MIGA2: variants seen among roughly 807,000 people sequenced by gnomAD.
MIGA2 encodes family with sequence similarity 73, member B.
A neutral mutation model predicts 69.9 loss-of-function variants in MIGA2; 36 were observed. The ratio of observed to expected loss-of-function variants is 0.52; its 90% CI spans 0.39 to 0.68. The LOEUF is 0.68. Among genes scored for constraint, MIGA2 ranks in the 30% least tolerant of loss-of-function variants. MIGA2 has a pLI of 0.00. For missense variants in MIGA2, 660 were observed against 787.7 expected, an observed-to-expected ratio of 0.84 and a Z score of 1.94; for synonymous variants, 333 against 349.2, an observed-to-expected ratio of 0.95 and a Z score of 0.52.
Position 129,058,689 on chromosome 9 carries a change from A to G in MIGA2, c.676-465A>G, listed in dbSNP as rs112680032. ...TAATTTTTGTATTTTTAGTAGAGAT[A>G]TGGTTTCATCATGTTGGTCAGGCTG... On this transcript the variant is annotated intron_variant, in intron 6 of 15. Transcript: ENST00000684074. 5.8e-3 allele frequency among the ~76,000 whole-genome samples: 875 copies of G among 151,856 alleles called. 13 individuals are homozygous for G. Among genetic ancestry groups the G allele is most frequent in the African/African-American group, 0.02 (808 of 41,420 alleles).
intron 2 of MIGA2, chr9:129,042,103 T>G: frequency 1.7e-6 from 1 of 597,464 alleles, no homozygotes; most frequent in Non-Finnish European, 3.1e-6. Context: ...CATCTTGCCA[T>G]CTTTATGTTT....
intron 11 of MIGA2, among the ~76,000 whole-genome samples, chr9:129,063,860 C>T (rs563741637): frequency 6.6e-6 from 1 of 152,352 alleles, no homozygotes; most frequent in African/African-American, 2.4e-5. Context: ...GCGTCCGTCT[C>T]TCCATGCTGG....
At chr9:129,063,670 C>T (rs1193112575) in intron 11 of MIGA2, 39 bp downstream of exon 11, 1 of 1,604,022 alleles carries the variant, frequency 6.2e-7, no homozygotes. Context: ...TTATAAAATG[C>T]AAACCACAGA....
At chr9:129,049,770 C>A in intron 5 of MIGA2, 57 bp from the exon 6 acceptor site, 2 of 1,610,186 alleles carry the variant, frequency 1.2e-6, no homozygotes, top group South Asian at 1.1e-5. Context: ...TCTGAGCCCC[C>A]TCTTGGGTGA....
chr9:129,038,798 T>TA (rs1844733810), intron 1 of MIGA2, among the ~76,000 whole-genome samples: 1 of 140,418 alleles, frequency 7.1e-6, no homozygotes, highest in Non-Finnish European at 1.5e-5. Flanking sequence ...TCTTTTTTTT[T>TA]TTTTTTTTTT....
chr9:129,069,380 GCCACA>G lies in MIGA2; in HGVS notation c.1458+252_1458+256del, dbSNP rs1846544448. Reference sequence around the variant, plus strand: ...GGGGAACGGATACCCTAGGGTAGTGGCCACAGGGCTGGCAGCTGGCCTGGTGCAGG... The same window carrying G: ...GGGGAACGGATACCCTAGGGTAGTGGGGGCTGGCAGCTGGCCTGGTGCAGG... On this transcript the variant is annotated intron_variant, in intron 14 of 15. Coordinates refer to ENST00000684074, the MANE Select transcript of MIGA2 (RefSeq NM_001329990.2). This position sits in a 1 kb window ranked among gnomAD's most constrained non-coding sequence, Gnocchi z 4.9. 1 of 575,864 alleles carries G rather than the reference GCCACA, an allele frequency of 1.7e-6. No homozygotes were observed. Among genetic ancestry groups the G allele is most frequent in the Non-Finnish European group, 3.1e-6 (1 of 322,610 alleles). 35.7% of individuals were successfully genotyped at this position (575,864 alleles called of 1,614,324 possible).
At chr9:129,048,580 G>A in intron 4 of MIGA2, 41 bp downstream of exon 4, 1 of 1,522,486 alleles carries the variant, frequency 6.6e-7, no homozygotes. Context: ...CCAGGTCCGG[G>A]CTTACCCCTG....
At chr9:129,040,006 A>G (rs1326836678) in intron 1 of MIGA2, 1 of 152,456 alleles carries the variant, frequency 6.6e-6, no homozygotes, top group Non-Finnish European at 1.5e-5. Flanking sequence ...CGGCCTTCCA[A>G]AGTGCTGGGA....
rs148842909 is a variant in MIGA2, at chr9:129,045,636, G to C, written c.308-2791G>C. On this transcript the variant is annotated intron_variant, in intron 3 of 15. Coordinates refer to ENST00000684074, the MANE Select transcript of MIGA2 (RefSeq NM_001329990.2). The stretch of plus-strand genomic sequence containing the variant: ...AAAAGAGAAAGAACATAAATTAGCT[G>C]AGTGTGGTGGCTCATACCTGTAATC... 1.4e-4 allele frequency among the ~76,000 whole-genome samples: 21 copies of C among 151,592 alleles called. No homozygotes were observed. The East Asian group carries it at 4.1e-3, about 30-fold the overall frequency.
chr9:129,044,292 C>T (rs1845089337), intron 3 of MIGA2, among the ~76,000 whole-genome samples: 3 of 151,480 alleles, frequency 2.0e-5, no homozygotes, highest in Admixed American at 6.6e-5. Flanking sequence ...TGCCTGGCCC[C>T]TTCTTCTACT....
chr9:129,061,486 TG>T lies in MIGA2; in HGVS notation c.1010+142del. 4 of 699,784 alleles carry T rather than the reference TG, an allele frequency of 5.7e-6. No individual in the cohort carries two copies. Among genetic ancestry groups the T allele is most frequent in the Non-Finnish European group, 9.6e-6 (4 of 417,686 alleles). 43.3% of individuals were successfully genotyped at this position (699,784 alleles called of 1,614,324 possible). A position where few individuals can be genotyped will look rare whatever the true frequency, so the allele number is the denominator to read the frequency against. ...AGGCTGCCTGAGGGCCGTGGTGAGC[TG>T]GTGACAGCTCCTCCCCCAGCTGCAG... On this transcript the variant is annotated intron_variant, in intron 9 of 15. Transcript: ENST00000684074. This position sits in a 1 kb window ranked among gnomAD's most constrained non-coding sequence, Gnocchi z 5.0.
At chr9:129,056,399 T>C (rs1410393390) in intron 6 of MIGA2, among the ~76,000 whole-genome samples, 2 of 152,260 alleles carry the variant, frequency 1.3e-5, no homozygotes, top group African/African-American at 4.8e-5. Context: ...AATAAGAGTG[T>C]CTTTCTCCTA....
In MIGA2 at chr9:129,068,407, G is replaced by C. The variant is rs1284037205; in HGVS notation, c.1404+75G>C. ...GTGGTTGCCTGGCTCCGTCCCCTCT[G>C]TCCCTAGCACTGGCACCAGGGCTGG... On this transcript the variant is annotated intron_variant, in intron 13 of 15. Coordinates refer to ENST00000684074, the MANE Select transcript of MIGA2 (RefSeq NM_001329990.2). This position sits in a 1 kb window ranked among gnomAD's most constrained non-coding sequence, Gnocchi z 4.1. The C allele has an allele frequency of 6.3e-7, 1 of 1,577,352 alleles. No individual in the cohort carries two copies. Among genetic ancestry groups the C allele is most frequent in the South Asian group, 1.1e-5 (1 of 88,096 alleles).
intron 11 of MIGA2, among the ~76,000 whole-genome samples, chr9:129,063,942 C>T (rs761134918): frequency 3.9e-5 from 6 of 152,194 alleles, no homozygotes; most frequent in Non-Finnish European, 8.8e-5. Context: ...CCTCCATTCC[C>T]TGATGGAGGA....
intron 6 of MIGA2, among the ~76,000 whole-genome samples, chr9:129,054,330 A>G (rs925015971): frequency 3.3e-5 from 5 of 151,070 alleles, no homozygotes; most frequent in Non-Finnish European, 7.4e-5. Context: ...GGCGCACACC[A>G]TGTGGTAGTC....
chr9:129,063,640 GGGT>G lies in MIGA2; in HGVS notation c.1170+12_1170+14del. 1.9e-6 allele frequency: 3 copies of G among 1,560,324 alleles called. No individual in the cohort carries two copies. The highest frequency in any genetic ancestry group is 2.6e-6 in the Non-Finnish European group (3 of 1,132,234). ...TGACCAAGGCTGAGAAGGTAGCAGG[GGGT>G]GGGGTGGGGGGGCAAATTATAAAAT... On this transcript the variant is annotated intron_variant, in intron 11 of 15. Coordinates refer to ENST00000684074, the MANE Select transcript of MIGA2 (RefSeq NM_001329990.2).
intron 6 of MIGA2, chr9:129,051,347 G>C (rs774152669): frequency 1.2e-5 from 2 of 168,142 alleles, no homozygotes; most frequent in African/African-American, 4.9e-5. Context: ...GCGCGATCTC[G>C]GCTCAGTGCA....
rs922318020 is a variant in MIGA2, at chr9:129,061,498, C to T, written c.1010+152C>T. On this transcript the variant is annotated intron_variant, in intron 9 of 15. Transcript: ENST00000684074. The surrounding 1 kb of genome is among the most constrained non-coding windows in gnomAD (Gnocchi z 5.0). ...GGCCGTGGTGAGCTGGTGACAGCTC[C>T]TCCCCCAGCTGCAGAGGGCCTGGAT... The T allele has an allele frequency of 1.2e-4, 76 of 657,532 alleles. No individual in the cohort carries two copies. In the African/African-American group the frequency reaches 1.2e-3, roughly 11 times the overall value. The allele number at this position is 657,532 out of a possible 1,614,324, so 40.7% of individuals were successfully genotyped here.
At position 129,058,012 on chromosome 9, in the gene MIGA2, C is replaced by T. The variant is rs142285975; in HGVS notation, c.676-1142C>T. Reference sequence around the variant, plus strand: ...TAGAACATACAAAATATGTGTTAATCGACTACATTCTTATTAAGACTTCTG... The same window carrying T: ...TAGAACATACAAAATATGTGTTAATTGACTACATTCTTATTAAGACTTCTG... On this transcript the variant is annotated intron_variant, in intron 6 of 15. Coordinates refer to ENST00000684074, the MANE Select transcript of MIGA2 (RefSeq NM_001329990.2). 2.5e-4 allele frequency among the ~76,000 whole-genome samples: 38 copies of T among 152,106 alleles called. No homozygotes were observed. In the East Asian group the frequency reaches 5.8e-3, roughly 23 times the overall value.
Sources: allele counts gnomAD v4.1 joint callset (sites outside exome capture counted in the v4.1 genomes callset), GRCh38; gene constraint gnomAD v4.1.1; non-coding constraint Gnocchi (gnomAD v3.1); transcripts MANE v1.5; gene names NCBI Gene and HGNC (gene_info 2026-07-23, HGNC 2026-07-21).